NCKAP5: variants seen among roughly 807,000 people sequenced by gnomAD.
NCKAP5 encodes nck-associated protein 5.
Under a neutral mutation model 167.0 loss-of-function variants are expected in NCKAP5, and 92 were observed. The observed-to-expected ratio is 0.55, with a 90% confidence interval of 0.47 to 0.66. The LOEUF (loss-of-function observed/expected upper bound fraction) is 0.66. NCKAP5 is among the 30% of genes least tolerant of loss of function. The pLI is 0.00. For missense variants in NCKAP5, 2,378 were observed against 2,315.0 expected (o/e 1.03, Z -0.56); for synonymous variants, 891 against 877.4 (o/e 1.02, Z -0.27).
At chr2:133,227,258 G>A (rs1181633201) in intron 4 of NCKAP5, among the ~76,000 whole-genome samples, 2 of 152,162 alleles carry the variant, frequency 1.3e-5, no homozygotes, top group African/African-American at 4.8e-5. Context: ...ACACTTCATA[G>A]CTAAACATCC....
At chr2:132,975,048 A>G (rs1032746706) in intron 7 of NCKAP5, among the ~76,000 whole-genome samples, 8 of 152,334 alleles carry the variant, frequency 5.3e-5, no homozygotes, top group South Asian at 4.1e-4. Context: ...CACTTCAGCA[A>G]ATACCATAAC....
At position 133,182,596 on chromosome 2, in the gene NCKAP5, A is replaced by G. The variant is rs141894096; in HGVS notation, c.207+31120T>C. ...CTGAATAAAAATGAATATATGACATATCAGAATTTGTGGGATACAACTAAA... is the reference window on the plus strand; with the variant it reads ...CTGAATAAAAATGAATATATGACATGTCAGAATTTGTGGGATACAACTAAA... On this transcript the variant is annotated intron_variant, in intron 5 of 19. Transcript: ENST00000409261. 1.3e-3 allele frequency among the ~76,000 whole-genome samples: 195 copies of G among 152,328 alleles called. 2 individuals carry two copies. Among genetic ancestry groups the G allele is most frequent in the Middle Eastern group, 6.8e-3 (2 of 294 alleles).
intron 5 of NCKAP5, among the ~76,000 whole-genome samples, chr2:133,131,825 T>C (rs1374595220): frequency 6.6e-6 from 1 of 152,182 alleles, no homozygotes; most frequent in South Asian, 2.1e-4. Context: ...TATATACATT[T>C]TACTATAATA....
chr2:132,747,580 T>C (rs1399802898), intron 16 of NCKAP5, among the ~76,000 whole-genome samples: 1 of 110,906 alleles, frequency 9.0e-6, no homozygotes, highest in African/African-American at 3.5e-5. Context: ...CTGGTTTCCA[T>C]AGCTGTGTGC....
At chr2:133,213,611 G>T in intron 5 of NCKAP5, 105 bp downstream of exon 5, 4 of 1,073,992 alleles carry the variant, frequency 3.7e-6, no homozygotes, top group Non-Finnish European at 5.6e-6. Context: ...CATTAAGTTT[G>T]CTGCAAGCAA....
At chr2:133,513,846 AAT>A (rs1178027087) in intron 3 of NCKAP5, among the ~76,000 whole-genome samples, 1 of 152,214 alleles carries the variant, frequency 6.6e-6, no homozygotes, top group Admixed American at 6.5e-5. Flanking sequence ...ATTTCCCAAA[AAT>A]TAAAAAGAGA....
chr2:133,578,790 C>T, the NCKAP5 span, among the ~76,000 whole-genome samples: 1 of 152,212 alleles, frequency 6.6e-6, no homozygotes, highest in Non-Finnish European at 1.5e-5. Flanking sequence ...ACCCAGTCTG[C>T]GTCATGACCT....
At chr2:133,477,512 G>A (rs1680029369) in intron 3 of NCKAP5, among the ~76,000 whole-genome samples, 2 of 152,108 alleles carry the variant, frequency 1.3e-5, no homozygotes, top group African/African-American at 4.8e-5. Context: ...GACCTTCAGT[G>A]GATGCCTGAA....
intron 6 of NCKAP5, among the ~76,000 whole-genome samples, chr2:133,129,655 C>T (rs1559169817): frequency 6.6e-6 from 1 of 151,930 alleles, no homozygotes; most frequent in African/African-American, 2.4e-5. Flanking sequence ...GTTCTAGATC[C>T]CTGAGGAATT....
chr2:133,090,738 G>T (rs1207405073), intron 6 of NCKAP5, among the ~76,000 whole-genome samples: 3 of 149,626 alleles, frequency 2.0e-5, no homozygotes, highest in Non-Finnish European at 4.4e-5. Flanking sequence ...TTGTTTATGT[G>T]TTTGTTTTGC....
intron 16 of NCKAP5, among the ~76,000 whole-genome samples, chr2:132,772,959 C>T (rs1682213139): frequency 6.6e-6 from 1 of 152,206 alleles, no homozygotes; most frequent in Non-Finnish European, 1.5e-5. Flanking sequence ...ACTGATTATA[C>T]TGGACACTGG....
At chr2:132,682,257 T>C (rs1053417902) in intron 19 of NCKAP5, among the ~76,000 whole-genome samples, 1 of 152,122 alleles carries the variant, frequency 6.6e-6, no homozygotes, top group Non-Finnish European at 1.5e-5. Context: ...TGGGGAGACA[T>C]GCTGGTGGGG....
At chr2:133,206,466 A>T (rs1484222855) in intron 5 of NCKAP5, among the ~76,000 whole-genome samples, 12 of 152,170 alleles carry the variant, frequency 7.9e-5, no homozygotes, top group African/African-American at 2.4e-4. Flanking sequence ...CTTCCCTAAT[A>T]ATACTCTTAT....
intron 11 of NCKAP5, among the ~76,000 whole-genome samples, chr2:132,803,806 A>G (rs916659671): frequency 3.3e-5 from 5 of 152,232 alleles, no homozygotes; most frequent in Non-Finnish European, 1.5e-5. Context: ...ACTATGAGCT[A>G]TGAGAGACTC....
At chr2:132,834,999 C>A (rs548326747) in intron 11 of NCKAP5, among the ~76,000 whole-genome samples, 392 of 152,150 alleles carry the variant, frequency 2.6e-3, no homozygotes, top group Non-Finnish European at 4.1e-3. Flanking sequence ...TTAATGCCTA[C>A]TTTGTTGAGG....
At chr2:132,976,128 C>T (rs914530407) in intron 7 of NCKAP5, among the ~76,000 whole-genome samples, 16 of 152,048 alleles carry the variant, frequency 1.1e-4, no homozygotes, top group African/African-American at 3.9e-4. Flanking sequence ...AAGCCAGGTA[C>T]AGAAAGACAA....
At chr2:133,076,749 A>G (rs891430072) in intron 6 of NCKAP5, among the ~76,000 whole-genome samples, 9 of 152,188 alleles carry the variant, frequency 5.9e-5, no homozygotes, top group African/African-American at 2.2e-4. Flanking sequence ...CCTCAAGGCC[A>G]TCCATGGTCA....
chr2:133,513,201 G>A (rs541775861), intron 3 of NCKAP5, among the ~76,000 whole-genome samples: 18 of 152,298 alleles, frequency 1.2e-4, no homozygotes, highest in Admixed American at 3.9e-4. Context: ...ATGAAGAATC[G>A]TTAAGGTATG....
chr2:132,672,955 C>A lies in NCKAP5; in HGVS notation c.*334G>T, dbSNP rs1573783306. ...TTATTGTTATCTCTATCAAGCGGTGCACCCCCCACCCCCCACCCATCATTT... is the reference window on the plus strand; with the variant it reads ...TTATTGTTATCTCTATCAAGCGGTGAACCCCCCACCCCCCACCCATCATTT... On this transcript the variant is annotated 3_prime_UTR_variant, in exon 20 of 20. Transcript: ENST00000409261. 2.3e-6 allele frequency: 1 copy of A among 432,740 alleles called. No homozygotes were observed. Among genetic ancestry groups the A allele is most frequent in the Non-Finnish European group, 3.0e-6 (1 of 335,776 alleles). 26.8% of individuals were successfully genotyped at this position (432,740 alleles called of 1,614,324 possible).
Sources: gnomAD v4.1 joint callset for allele counts (sites outside exome capture counted in the v4.1 genomes callset) on GRCh38, gnomAD v4.1.1 for gene constraint, MANE v1.5 for transcripts, NCBI Gene and HGNC (gene_info 2026-07-23, HGNC 2026-07-21) for gene names.